Variants in RALGPS1 observed in about 807,000 individuals in gnomAD.
The protein encoded by RALGPS1 is ras-specific guanine nucleotide-releasing factor RalGPS1.
RALGPS1 carries 19 observed loss-of-function variants against 78.8 expected under a neutral mutation model. The ratio of observed to expected loss-of-function variants is 0.24; its 90% CI spans 0.17 to 0.35. The LOEUF is 0.35. Among genes scored for constraint, RALGPS1 ranks in the 10% least tolerant of loss-of-function variants. The probability of loss-of-function intolerance (pLI) is 1.00; values close to 1 mark genes in which losing one functional copy is unlikely to be tolerated. For missense variants in RALGPS1, 454 were observed against 688.3 expected (o/e 0.66, Z 3.81); for synonymous variants, 228 against 256.3 (o/e 0.89, Z 1.06).
chr9:127,049,035 T>C (rs527714137), intron 5 of RALGPS1, among the ~76,000 whole-genome samples: 1 of 152,348 alleles, frequency 6.6e-6, no homozygotes, highest in South Asian at 2.1e-4. Context: ...AAGCTTGTTT[T>C]ATTAGCTCTG....
At chr9:126,968,342 C>A (rs1019083673) in intron 3 of RALGPS1, among the ~76,000 whole-genome samples, 2 of 152,262 alleles carry the variant, frequency 1.3e-5, no homozygotes, top group Admixed American at 6.5e-5. Context: ...TGAGTCATAT[C>A]ATTTGCTCCC....
At chr9:127,103,996 C>G (rs2053985754) in intron 8 of RALGPS1, among the ~76,000 whole-genome samples, 1 of 152,190 alleles carries the variant, frequency 6.6e-6, no homozygotes, top group Admixed American at 6.5e-5. Context: ...CTATGAACCT[C>G]AATATCCTGC....
At chr9:127,107,836 C>T in intron 8 of RALGPS1, 3 of 1,427,502 alleles carry the variant, frequency 2.1e-6, no homozygotes, top group Admixed American at 2.3e-5. Context: ...ATGGCTTTTC[C>T]CCATTTGTGG....
intron 1 of RALGPS1, among the ~76,000 whole-genome samples, chr9:126,940,562 C>T (rs560974386): frequency 7.6e-4 from 116 of 151,960 alleles, no homozygotes; most frequent in Non-Finnish European, 6.0e-4. Context: ...GCCTCAGCCT[C>T]CTGAGTAGCC....
At chr9:127,007,899 T>G (rs1395195178) in intron 4 of RALGPS1, among the ~76,000 whole-genome samples, 1 of 152,192 alleles carries the variant, frequency 6.6e-6, no homozygotes, top group Non-Finnish European at 1.5e-5. Context: ...TTGCTCTGGC[T>G]GCTCTGTGGA....
At chr9:126,915,024 G>C (rs2033955745) in intron 1 of RALGPS1, 49 bp downstream of exon 1, 1 of 149,726 alleles carries the variant, frequency 6.7e-6, no homozygotes, top group African/African-American at 2.4e-5. Context: ...TGAGAGGCGC[G>C]GCCGACGGGG....
intron 8 of RALGPS1, among the ~76,000 whole-genome samples, chr9:127,076,220 A>C (rs1564531797): frequency 6.6e-6 from 1 of 152,256 alleles, no homozygotes; most frequent in African/African-American, 2.4e-5. Context: ...GAATGTCTAC[A>C]TCATTTGCTT....
chr9:127,185,652 T>C (rs923301814), intron 11 of RALGPS1, among the ~76,000 whole-genome samples: 3 of 152,252 alleles, frequency 2.0e-5, no homozygotes, highest in Non-Finnish European at 2.9e-5. Flanking sequence ...ATCATTATTG[T>C]TGTAGTTATA....
At chr9:127,002,682 C>CGA (rs1564398477) in intron 4 of RALGPS1, among the ~76,000 whole-genome samples, 2 of 147,418 alleles carry the variant, frequency 1.4e-5, no homozygotes, top group African/African-American at 5.0e-5. Flanking sequence ...CACCTATGAG[C>CGA]GAGAATATGT....
chr9:127,061,638 C>T (rs1470194549), intron 7 of RALGPS1, among the ~76,000 whole-genome samples: 1 of 152,180 alleles, frequency 6.6e-6, no homozygotes, highest in East Asian at 1.9e-4. Context: ...TTTGTGGCCT[C>T]GGGTCCTCTC....
At chr9:127,101,591 A>G (rs2053735910) in intron 8 of RALGPS1, among the ~76,000 whole-genome samples, 1 of 152,106 alleles carries the variant, frequency 6.6e-6, no homozygotes, top group Admixed American at 6.5e-5. Context: ...ATAATAATAA[A>G]TCCATCTGGA....
At chr9:126,947,479 A>G (rs2037388160) in intron 1 of RALGPS1, among the ~76,000 whole-genome samples, 2 of 152,150 alleles carry the variant, frequency 1.3e-5, no homozygotes, top group Admixed American at 6.5e-5. Flanking sequence ...CATATTCCAA[A>G]ATCCAAAAAA....
intron 8 of RALGPS1, among the ~76,000 whole-genome samples, chr9:127,072,485 T>C (rs1007939689): frequency 2.0e-5 from 3 of 152,198 alleles, no homozygotes; most frequent in African/African-American, 7.2e-5. Flanking sequence ...GATATCCATT[T>C]ATTTGATAAA....
At chr9:127,022,694 G>A (rs910022225) in intron 4 of RALGPS1, among the ~76,000 whole-genome samples, 1 of 151,912 alleles carries the variant, frequency 6.6e-6, no homozygotes, top group Admixed American at 6.6e-5. Flanking sequence ...GTCTTGACCC[G>A]TGCACTTCAC....
intron 4 of RALGPS1, among the ~76,000 whole-genome samples, chr9:126,995,245 AAAGAGTCAAGACCCAT>A (rs1209098037): frequency 2.0e-5 from 3 of 152,206 alleles, no homozygotes; most frequent in African/African-American, 7.2e-5. Flanking sequence ...CAAATTGGAT[AAAGAGTCAAGACCCAT>A]CAGTGTGCTG....
chr9:126,964,356 G>A (rs1470326337), intron 2 of RALGPS1, among the ~76,000 whole-genome samples: 3 of 141,254 alleles, frequency 2.1e-5, no homozygotes, highest in Non-Finnish European at 4.5e-5. Context: ...GTGACAGAGC[G>A]AGACTCCCAC....
intron 1 of RALGPS1, among the ~76,000 whole-genome samples, chr9:126,961,460 G>A (rs605400): frequency 0.2 from 30,613 of 152,126 alleles, 3,822 homozygotes; most frequent in East Asian, 0.44. Context: ...TGTGGTGCCA[G>A]GGGAACACAA....
chr9:127,211,460 G>A lies in RALGPS1; in HGVS notation c.1248-671G>A, dbSNP rs566024499. Among the ~76,000 whole-genome samples, 2 of 152,270 alleles carry A rather than the reference G, an allele frequency of 1.3e-5. No individual in the cohort carries two copies. Among genetic ancestry groups the A allele is most frequent in the East Asian group, 1.9e-4 (1 of 5,178 alleles). The stretch of plus-strand genomic sequence containing the variant: ...TCCTTGGGATTGATTAGGTTGCAGG[G>A]GCATCCGAGAGGAAGAAAATCCCCG... On this transcript the variant is annotated intron_variant, in intron 14 of 18. Coordinates refer to ENST00000259351, the MANE Select transcript of RALGPS1 (RefSeq NM_014636.3). This position sits in a 1 kb window ranked among gnomAD's most constrained non-coding sequence, Gnocchi z 5.0.
intron 4 of RALGPS1, chr9:126,989,971 A>C (rs762816836): frequency 4.2e-5 from 65 of 1,550,462 alleles, no homozygotes; most frequent in Non-Finnish European, 5.5e-5. Context: ...GTTGCAGTTC[A>C]GGAAAACACT....
Sources: gnomAD v4.1 joint callset for allele counts (sites outside exome capture counted in the v4.1 genomes callset) on GRCh38, gnomAD v4.1.1 for gene constraint, Gnocchi (gnomAD v3.1) non-coding constraint, MANE v1.5 for transcripts, NCBI Gene and HGNC (gene_info 2026-07-23, HGNC 2026-07-21) for gene names.